Variants in LRRC43 observed in about 807,000 individuals in gnomAD.
LRRC43 encodes leucine-rich repeat-containing protein 43.
In LRRC43, 62 loss-of-function variants were observed where a neutral mutation model predicts 64.3. The observed-to-expected ratio is 0.96, with a 90% CI of 0.79 to 1.19. The LOEUF (loss-of-function observed/expected upper bound fraction) is 1.19. Among genes scored for constraint, LRRC43 ranks in the 50% most tolerant of loss-of-function variants. The pLI is 0.00. For synonymous variants in LRRC43, 422 were observed against 382.3 expected, an observed-to-expected ratio of 1.10 and a Z score of -1.21; for missense variants, 868 against 845.0, an observed-to-expected ratio of 1.03 and a Z score of -0.34.
chr12:122,198,786 C>T (rs1466050751), intron 7 of LRRC43, among the ~76,000 whole-genome samples: 1 of 149,852 alleles, frequency 6.7e-6, no homozygotes, highest in African/African-American at 2.5e-5. Context: ...CCCGCCAGCA[C>T]ACCCGGCTAA....
chr12:122,201,013 T>C (rs1050657476), intron 10 of LRRC43, 79 bp downstream of exon 10: 5 of 1,483,348 alleles, frequency 3.4e-6, no homozygotes, highest in South Asian at 2.7e-5. Context: ...GCAAGGGCTG[T>C]GGGCCCAGGT....
At chr12:122,179,459 C>T (rs945791067), upstream of LRRC43, among the ~76,000 whole-genome samples, 29 of 152,244 alleles carry the variant, frequency 1.9e-4, no homozygotes, top group Middle Eastern at 3.4e-3. Context: ...CAGCTGAAGA[C>T]ACACAGTAGG....
chr12:122,179,811 A>C (rs1795710602), upstream of LRRC43, among the ~76,000 whole-genome samples: 1 of 151,998 alleles, frequency 6.6e-6, no homozygotes, highest in Non-Finnish European at 1.5e-5. Flanking sequence ...TCTACTAAAA[A>C]TACAAAAAAA....
intron 7 of LRRC43, among the ~76,000 whole-genome samples, chr12:122,197,978 CTTTTTCT>C (rs1177281168): frequency 1.3e-5 from 2 of 151,532 alleles, no homozygotes; most frequent in Non-Finnish European, 2.9e-5. Context: ...TACAATTTTT[CTTTTTCT>C]TTTTTCTTTT....
At chr12:122,189,421 A>C (rs757119409) in intron 4 of LRRC43, 3 of 456,438 alleles carry the variant, frequency 6.6e-6, no homozygotes, top group Non-Finnish European at 8.8e-6. Context: ...GGGAAGAGTG[A>C]GGCTGGGATT....
chr12:122,200,929 GC>G lies in LRRC43; in HGVS notation c.1806del (p.Arg603GlyfsTer18), dbSNP rs1953831677. On this transcript the variant is annotated frameshift_variant, in exon 10 of 12. Transcript: ENST00000339777. LOFTEE classifies it low-confidence loss of function (END_TRUNC). The surrounding 1 kb of genome is among the most constrained non-coding windows in gnomAD (Gnocchi z 4.6). ...RTLTSDRLTL[A>X]RDSKKIKKVA... ...ATTGACATCTGACAGGCTGACGTTG[GC>G]CAGGGTACAGCCGGGCCCTAGCCAC... 6.3e-7 allele frequency: 1 copy of G among 1,599,276 alleles called. No homozygotes were observed. The highest frequency in any genetic ancestry group is 8.5e-7 in the Non-Finnish European group (1 of 1,173,044).
intron 1 of LRRC43, among the ~76,000 whole-genome samples, chr12:122,176,360 A>G (rs1164551376): frequency 1.3e-5 from 2 of 152,128 alleles, no homozygotes; most frequent in African/African-American, 4.8e-5. Flanking sequence ...GCGAGAGGAC[A>G]GGAGGGTAGT....
upstream of LRRC43, among the ~76,000 whole-genome samples, chr12:122,179,218 C>G (rs539368573): frequency 1.3e-5 from 2 of 152,248 alleles, no homozygotes; most frequent in South Asian, 4.2e-4. Flanking sequence ...CCTCAGCCTC[C>G]TGAGTAGCTG....
chr12:122,183,410 G>T (rs1164050194), intron 1 of LRRC43, 116 bp downstream of exon 1: 4 of 1,173,088 alleles, frequency 3.4e-6, no homozygotes, highest in Non-Finnish European at 4.5e-6. Flanking sequence ...TCTGGGGGCC[G>T]CCGACATGGG....
intron 11 of LRRC43, among the ~76,000 whole-genome samples, chr12:122,201,705 G>A (rs1035182135): frequency 9.8e-5 from 15 of 152,306 alleles, no homozygotes; most frequent in African/African-American, 2.6e-4. Context: ...TCTGAAATGG[G>A]TGCGTCTCAG....
intron 5 of LRRC43, among the ~76,000 whole-genome samples, chr12:122,190,788 G>A (rs944933277): frequency 6.6e-6 from 1 of 151,936 alleles, no homozygotes; most frequent in African/African-American, 2.4e-5. Flanking sequence ...TTTTGAACCC[G>A]GGAGGTGGAG....
intron 7 of LRRC43, among the ~76,000 whole-genome samples, chr12:122,197,599 A>G (rs1953785245): frequency 6.6e-6 from 1 of 152,206 alleles, no homozygotes; most frequent in Non-Finnish European, 1.5e-5. Flanking sequence ...AAAATGGACC[A>G]TTTAAACTGT....
upstream of LRRC43, among the ~76,000 whole-genome samples, chr12:122,182,435 T>G (rs1953589945): frequency 6.9e-6 from 1 of 145,344 alleles, no homozygotes; most frequent in Admixed American, 7.2e-5. Flanking sequence ...GGCAGGAGAA[T>G]CGGTTGAATC....
chr12:122,187,535 T>C (rs1040274400), intron 3 of LRRC43, 166 bp from the exon 4 acceptor site: 2 of 573,838 alleles, frequency 3.5e-6, no homozygotes, highest in South Asian at 2.3e-5. Context: ...GCTGCAGGAA[T>C]CTTTTCTTCC....
upstream of LRRC43, among the ~76,000 whole-genome samples, chr12:122,181,570 A>G (rs2136024923): frequency 6.6e-6 from 1 of 150,462 alleles, no homozygotes; most frequent in South Asian, 2.1e-4. Context: ...AAGAAAGGAC[A>G]TATGGTCATC....
intron 4 of LRRC43, among the ~76,000 whole-genome samples, chr12:122,188,686 T>C (rs1158222161): frequency 6.6e-6 from 1 of 150,408 alleles, no homozygotes; most frequent in East Asian, 2.0e-4. Context: ...AGTGATCCAC[T>C]TACTTTGGCC....
intron 1 of LRRC43, among the ~76,000 whole-genome samples, chr12:122,175,021 G>A (rs866601445): frequency 1.3e-5 from 2 of 151,914 alleles, no homozygotes; most frequent in African/African-American, 4.8e-5. Context: ...TGTATTTTTA[G>A]TAGAAATGGG....
chr12:122,182,488 C>T (rs1484736434), upstream of LRRC43, among the ~76,000 whole-genome samples: 3 of 136,136 alleles, frequency 2.2e-5, 1 homozygote, highest in East Asian at 6.6e-4. Flanking sequence ...CGCCATTGCA[C>T]TCCAGCCTGG....
chr12:122,170,831 T>C (rs1018456702), intron 1 of LRRC43, among the ~76,000 whole-genome samples: 1 of 151,816 alleles, frequency 6.6e-6, no homozygotes, highest in Non-Finnish European at 1.5e-5. Context: ...GACTCAAGAT[T>C]AGTGGTTCTC....
Sources: gnomAD v4.1 joint callset for allele counts (sites outside exome capture counted in the v4.1 genomes callset) on GRCh38, gnomAD v4.1.1 for gene constraint, Gnocchi (gnomAD v3.1) non-coding constraint, MANE v1.5 for transcripts, NCBI Gene and HGNC (gene_info 2026-07-23, HGNC 2026-07-21) for gene names.